The following MED12L variants were observed in gnomAD, a reference collection of about 807,000 sequenced individuals.
The protein encoded by MED12L is mediator of RNA polymerase II transcription subunit 12-like protein.
Under a neutral mutation model 281.3 loss-of-function variants are expected in MED12L, and 60 were observed. The ratio of observed to expected loss-of-function variants is 0.21; its 90% CI spans 0.17 to 0.26. MED12L has a LOEUF of 0.26. MED12L is among the 10% of genes least tolerant of loss of function. The pLI is 1.00. For synonymous variants in MED12L, 974 were observed against 987.2 expected (o/e 0.99, Z 0.25); for missense variants, 2,146 against 2,680.9 (o/e 0.80, Z 4.41).
intron 17 of MED12L, among the ~76,000 whole-genome samples, chr3:151,351,680 TA>T (rs1423648553): frequency 4.6e-5 from 7 of 152,010 alleles, no homozygotes; most frequent in Non-Finnish European, 8.8e-5. Flanking sequence ...GGCAATGGGG[TA>T]GGGGGGAGTC....
At chr3:151,163,822 T>G in intron 8 of MED12L, 71 bp from the exon 9 acceptor site, 642 of 1,398,990 alleles carry the variant, frequency 4.6e-4, no homozygotes, top group Middle Eastern at 1.7e-3. Flanking sequence ...AGGGTGTCGT[T>G]TTTACTGTTT....
At chr3:151,116,064 C>CAAAAAA (rs59017489) in intron 2 of MED12L, among the ~76,000 whole-genome samples, 2 of 92,264 alleles carry the variant, frequency 2.2e-5, no homozygotes, top group African/African-American at 4.1e-5. Flanking sequence ...ACTCCATCTC[C>CAAAAAA]AAAAAAAAAA....
intron 11 of MED12L, among the ~76,000 whole-genome samples, chr3:151,183,706 A>G (rs139901845): frequency 2.6e-5 from 4 of 152,360 alleles, no homozygotes; most frequent in African/African-American, 9.6e-5. Flanking sequence ...ATGTCTCCCT[A>G]ATTTCACATA....
intron 16 of MED12L, among the ~76,000 whole-genome samples, chr3:151,214,727 A>G (rs1430492035): frequency 6.6e-6 from 1 of 152,118 alleles, no homozygotes; most frequent in Non-Finnish European, 1.5e-5. Flanking sequence ...TCTAGGTAAT[A>G]CGGAGACCAG....
chr3:151,387,200 GT>G (rs35222168), intron 36 of MED12L, among the ~76,000 whole-genome samples: 16,073 of 148,840 alleles, frequency 0.11, 1,079 homozygotes, highest in African/African-American at 0.19. Context: ...GAGGGTAACC[GT>G]TTTTTTTTTT....
intron 43 of MED12L, among the ~76,000 whole-genome samples, chr3:151,417,125 A>C (rs944084509): frequency 6.6e-6 from 1 of 152,214 alleles, no homozygotes; most frequent in South Asian, 2.1e-4. Flanking sequence ...ATATCTGTGA[A>C]AGTAAATACA....
chr3:151,354,347 T>A (rs1019852022), intron 17 of MED12L, among the ~76,000 whole-genome samples: 23 of 152,168 alleles, frequency 1.5e-4, no homozygotes, highest in Admixed American at 4.6e-4. Flanking sequence ...TTATTTTTTT[T>A]AATTGGAATT....
rs1475205245 is a variant in MED12L, at chr3:151,433,557, G to A, written c.*753G>A. The A allele has an allele frequency of 6.6e-6, 1 of 152,418 alleles. No individual in the cohort carries two copies. Among genetic ancestry groups the A allele is most frequent in the East Asian group, 1.9e-4 (1 of 5,198 alleles). 9.4% of individuals were successfully genotyped at this position (152,418 alleles called of 1,614,324 possible). On this transcript the variant is annotated 3_prime_UTR_variant, in exon 45 of 45. Transcript: ENST00000687756. ...TTTTGAGGCAAGATCATTGATGAGAGTCATTGTGAAGGTACAACATGTAAA... is the reference window on the plus strand; with the variant it reads ...TTTTGAGGCAAGATCATTGATGAGAATCATTGTGAAGGTACAACATGTAAA...
intron 11 of MED12L, 122 bp downstream of exon 11, chr3:151,166,104 A>G (rs1449593598): frequency 1.1e-5 from 8 of 743,806 alleles, no homozygotes; most frequent in Middle Eastern, 7.1e-4. Context: ...GAAGACATAC[A>G]CACTTGAAAT....
chr3:151,134,215 A>G (rs1715809699), intron 5 of MED12L, among the ~76,000 whole-genome samples: 1 of 146,644 alleles, frequency 6.8e-6, no homozygotes, highest in Non-Finnish European at 1.5e-5. Context: ...GGCCTGTTTG[A>G]AAATGGTCAG....
chr3:151,230,984 T>G (rs1013499680), intron 16 of MED12L, among the ~76,000 whole-genome samples: 17 of 152,104 alleles, frequency 1.1e-4, no homozygotes, highest in Admixed American at 6.5e-4. Context: ...AGCAAGGAAG[T>G]GCTCAGACCG....
intron 16 of MED12L, among the ~76,000 whole-genome samples, chr3:151,269,082 A>G (rs1226836689): frequency 2.0e-5 from 3 of 152,176 alleles, no homozygotes; most frequent in African/African-American, 7.2e-5. Flanking sequence ...GAAAAAGAAC[A>G]GAAAGAAGCA....
intron 2 of MED12L, among the ~76,000 whole-genome samples, chr3:151,106,287 CCTTTT>C: frequency 1.3e-5 from 1 of 79,512 alleles, no homozygotes; most frequent in Non-Finnish European, 2.2e-5. Context: ...CTTTCCTTTT[CCTTTT>C]CCTTTTCCTT....
At chr3:151,365,263 T>G (rs1755139806) in intron 22 of MED12L, 57 bp downstream of exon 22, 2 of 1,420,138 alleles carry the variant, frequency 1.4e-6, no homozygotes, top group Middle Eastern at 1.8e-4. Flanking sequence ...CCTTGGTGCT[T>G]CTTTGAAATT....
At chr3:151,230,339 A>G (rs1349125112) in intron 16 of MED12L, among the ~76,000 whole-genome samples, 2 of 152,352 alleles carry the variant, frequency 1.3e-5, no homozygotes, top group East Asian at 3.9e-4. Context: ...CACCTTTCCC[A>G]TGAATTTCAA....
chr3:151,295,375 A>G (rs1744949542), intron 16 of MED12L: 1 of 588,742 alleles, frequency 1.7e-6, no homozygotes, highest in South Asian at 2.2e-5. Context: ...TTGAGTGGCC[A>G]AAGAATTAGT....
chr3:151,418,585 C>T (rs992719038), intron 43 of MED12L, among the ~76,000 whole-genome samples: 3 of 152,178 alleles, frequency 2.0e-5, no homozygotes, highest in Admixed American at 6.5e-5. Flanking sequence ...TTTTTGGCAA[C>T]ATTAGAGGTG....
At chr3:151,245,907 G>A (rs1470097156) in intron 16 of MED12L, among the ~76,000 whole-genome samples, 2 of 151,564 alleles carry the variant, frequency 1.3e-5, no homozygotes, top group Non-Finnish European at 2.9e-5. Flanking sequence ...AAGCTGATAA[G>A]CAACTTCAGC....
intron 5 of MED12L, among the ~76,000 whole-genome samples, chr3:151,142,017 A>G (rs147087699): frequency 5.3e-5 from 8 of 152,344 alleles, no homozygotes; most frequent in African/African-American, 1.7e-4. Flanking sequence ...GGCTATTGGT[A>G]TATACGTGCA....
Sources: allele counts gnomAD v4.1 joint callset (sites outside exome capture counted in the v4.1 genomes callset), GRCh38; gene constraint gnomAD v4.1.1; transcripts MANE v1.5; gene names NCBI Gene and HGNC (gene_info 2026-07-23, HGNC 2026-07-21).